Variants in CCDC141 observed in about 807,000 individuals in gnomAD.
CCDC141 encodes coiled-coil domain-containing protein 141.
In CCDC141, 168 loss-of-function variants were observed where a neutral mutation model predicts 181.0. That is an observed-to-expected ratio of 0.93 (90% CI 0.82 to 1.05). CCDC141 has a LOEUF of 1.05. Ranked by LOEUF, CCDC141 falls within the 50% of genes least tolerant of loss-of-function variation. The probability of loss-of-function intolerance (pLI) is 0.00; values close to 1 mark genes in which losing one functional copy is unlikely to be tolerated. For missense variants in CCDC141, 1,902 were observed against 1,788.5 expected (o/e 1.06, Z -1.14); for synonymous variants, 666 against 642.3 (o/e 1.04, Z -0.56).
intron 2 of CCDC141, among the ~76,000 whole-genome samples, chr2:178,983,042 C>A (rs989748428): frequency 1.3e-5 from 2 of 152,212 alleles, no homozygotes; most frequent in Non-Finnish European, 2.9e-5. Flanking sequence ...ACAGCAGTAA[C>A]CTCTGCAGAC....
chr2:178,877,750 G>A (rs1686411581), intron 12 of CCDC141: 1 of 599,916 alleles, frequency 1.7e-6, no homozygotes, highest in African/African-American at 1.9e-5. Context: ...CTTCTTAATA[G>A]TTAAAACAGC....
At chr2:178,902,084 C>G (rs978449648) in intron 8 of CCDC141, among the ~76,000 whole-genome samples, 7 of 152,068 alleles carry the variant, frequency 4.6e-5, no homozygotes, top group African/African-American at 1.7e-4. Flanking sequence ...AACTACAAAC[C>G]ACTGCTCAAT....
At chr2:179,013,988 G>A (rs79371827) in intron 2 of CCDC141, among the ~76,000 whole-genome samples, 3,072 of 55,512 alleles carry the variant, frequency 0.055, 72 homozygotes, top group Middle Eastern at 0.093. Context: ...AAAAAAAAAA[G>A]GACAAATCTA....
chr2:178,968,172 G>A (rs772760477), intron 4 of CCDC141, among the ~76,000 whole-genome samples: 16 of 152,180 alleles, frequency 1.1e-4, no homozygotes, highest in Non-Finnish European at 2.1e-4. Context: ...ATATTAGACA[G>A]ATCAATGAGA....
chr2:178,933,342 G>A (rs2154376025), intron 6 of CCDC141, among the ~76,000 whole-genome samples: 1 of 152,006 alleles, frequency 6.6e-6, no homozygotes. Flanking sequence ...GAAACACATG[G>A]GCAAAATGTC....
At chr2:178,887,471 G>A (rs930137588) in intron 9 of CCDC141, among the ~76,000 whole-genome samples, 2 of 152,090 alleles carry the variant, frequency 1.3e-5, no homozygotes, top group African/African-American at 2.4e-5. Flanking sequence ...TACATGCTTT[G>A]TCCCCTCGCT....
intron 2 of CCDC141, among the ~76,000 whole-genome samples, chr2:178,993,411 G>C (rs1274962425): frequency 6.6e-6 from 1 of 152,120 alleles, no homozygotes; most frequent in African/African-American, 2.4e-5. Context: ...AAGAGGGCTT[G>C]TGTACGGAAA....
At chr2:178,896,389 C>T (rs557732910) in intron 8 of CCDC141, among the ~76,000 whole-genome samples, 4 of 152,200 alleles carry the variant, frequency 2.6e-5, no homozygotes, top group Admixed American at 6.5e-5. Context: ...TGACTGGACG[C>T]GGGACAGGTT....
intron 9 of CCDC141, 36 bp from the exon 10 acceptor site, chr2:178,886,907 T>C: frequency 7.7e-7 from 1 of 1,290,394 alleles, no homozygotes; most frequent in South Asian, 2.5e-5. Context: ...GTCTTAGTAA[T>C]ATATTTTTGC....
chr2:178,914,960 A>C (rs930927524), intron 7 of CCDC141, among the ~76,000 whole-genome samples: 4 of 152,176 alleles, frequency 2.6e-5, no homozygotes, highest in African/African-American at 4.8e-5. Flanking sequence ...AGGAGGGTGG[A>C]TCCCTTGAGC....
chr2:179,031,386 C>T (rs1334208934), intron 2 of CCDC141, among the ~76,000 whole-genome samples: 1 of 151,854 alleles, frequency 6.6e-6, no homozygotes, highest in Non-Finnish European at 1.5e-5. Context: ...TTTTTGCCCT[C>T]TTTCTTTCCT....
intron 5 of CCDC141, among the ~76,000 whole-genome samples, chr2:178,949,184 G>A (rs1250808180): frequency 1.3e-5 from 2 of 152,166 alleles, no homozygotes; most frequent in Non-Finnish European, 2.9e-5. Context: ...GGCAAAGAAG[G>A]ACTCCTTTTT....
At chr2:178,981,324 T>C (rs1691380390) in intron 2 of CCDC141, among the ~76,000 whole-genome samples, 1 of 151,890 alleles carries the variant, frequency 6.6e-6, no homozygotes, top group Non-Finnish European at 1.5e-5. Context: ...GGAACATACA[T>C]CAAGATAGGC....
At chr2:178,976,064 A>T (rs1026992256) in intron 3 of CCDC141, among the ~76,000 whole-genome samples, 2 of 152,106 alleles carry the variant, frequency 1.3e-5, no homozygotes, top group Non-Finnish European at 2.9e-5. Flanking sequence ...ATTGAGAGAG[A>T]TGATTAACGT....
chr2:178,962,665 T>C (rs1056274308), intron 4 of CCDC141, among the ~76,000 whole-genome samples: 1 of 151,342 alleles, frequency 6.6e-6, no homozygotes, highest in Non-Finnish European at 1.5e-5. Context: ...CTTTCCTCTG[T>C]CTCTCTCACA....
intron 6 of CCDC141, among the ~76,000 whole-genome samples, chr2:178,919,707 T>C (rs898589390): frequency 6.6e-6 from 1 of 152,244 alleles, no homozygotes; most frequent in African/African-American, 2.4e-5. Flanking sequence ...TCACATGTCT[T>C]ATGACTGTTG....
chr2:178,987,340 C>T (rs1490750812), intron 2 of CCDC141, among the ~76,000 whole-genome samples: 13 of 152,118 alleles, frequency 8.5e-5, no homozygotes, highest in African/African-American at 3.1e-4. Context: ...AAGACTTAAA[C>T]ATTAGACCTA....
rs1245455701 is a variant in CCDC141, at chr2:178,850,084, A to G, written c.3322T>C (p.Cys1108Arg). The stretch of plus-strand genomic sequence containing the variant: ...TCTTCGAGCTCTGTGAGGGACTCAC[A>G]TAATTCAGTCACAGATTCAAGAACC... ...KEVLESVTEL[C>R]ESLTELEEKL... The change falls in exon 21 of 24, where the codon TGT becomes CGT. Residue 1108 changes from cysteine to arginine, a missense_variant. Transcript: ENST00000443758. The G allele has an allele frequency of 6.2e-7, 1 of 1,609,000 alleles. No individual in the cohort carries two copies. Among genetic ancestry groups the G allele is most frequent in the African/African-American group, 1.3e-5 (1 of 74,810 alleles).
intron 6 of CCDC141, among the ~76,000 whole-genome samples, chr2:178,943,579 C>G (rs1689609104): frequency 1.3e-5 from 2 of 152,132 alleles, no homozygotes; most frequent in Non-Finnish European, 2.9e-5. Flanking sequence ...CCATTGTTTT[C>G]TAGAGCTTTA....
Sources: allele counts gnomAD v4.1 joint callset (sites outside exome capture counted in the v4.1 genomes callset), GRCh38; gene constraint gnomAD v4.1.1; transcripts MANE v1.5; gene names NCBI Gene and HGNC (gene_info 2026-07-23, HGNC 2026-07-21).